The following ZFP2 variants were observed in gnomAD, a reference collection of about 807,000 sequenced individuals.
The protein encoded by ZFP2 is ZFP2 zinc finger protein.
A neutral mutation model predicts 36.1 loss-of-function variants in ZFP2; 33 were observed. The ratio of observed to expected loss-of-function variants is 0.92; its 90% CI spans 0.69 to 1.22. The LOEUF (loss-of-function observed/expected upper bound fraction) is 1.22, where lower values mean the gene tolerates loss of function less well. Ranked by LOEUF, ZFP2 falls within the 50% of genes most tolerant of loss-of-function variation. ZFP2 has a pLI of 0.00. For missense variants in ZFP2, 522 were observed against 551.4 expected (o/e 0.95, Z 0.53); for synonymous variants, 170 against 178.0 (o/e 0.96, Z 0.36).
At chr5:178,906,342 T>G (rs1758164681) in intron 1 of ZFP2, among the ~76,000 whole-genome samples, 1 of 152,184 alleles carries the variant, frequency 6.6e-6, no homozygotes, top group Non-Finnish European at 1.5e-5. Context: ...GATACCTTCT[T>G]TCACCAAAAA....
chr5:178,931,073 TCCTATTTCTCTA>T (rs1200809015), intron 4 of ZFP2, among the ~76,000 whole-genome samples, 152 bp from the exon 5 acceptor site: 4 of 152,224 alleles, frequency 2.6e-5, no homozygotes, highest in African/African-American at 9.7e-5. Context: ...TTCTCTCCCT[TCCTATTTCTCTA>T]CCTAATTTTG....
At chr5:178,901,373 T>C (rs1294905895) in intron 1 of ZFP2, among the ~76,000 whole-genome samples, 2 of 152,170 alleles carry the variant, frequency 1.3e-5, no homozygotes, top group Non-Finnish European at 2.9e-5. Flanking sequence ...CTCGAAACAA[T>C]AGAAATTTAT....
At position 178,931,428 on chromosome 5, in the gene ZFP2, AC is replaced by A. The variant is rs1248111222; in HGVS notation, c.117del (p.Phe40SerfsTer4). On this transcript the variant is annotated frameshift_variant, in exon 5 of 5. Coordinates refer to ENST00000361362, the MANE Select transcript of ZFP2 (RefSeq NM_030613.4). LOFTEE classifies it high-confidence loss of function. The part of the protein sequence containing the change: ...LSQVGVTHKE[T>X]FTEMRVCGGN... ...CCAAGTGGGAGTTACCCATAAGGAA[AC>A]CTTCACTGAGATGAGAGTATGTGGA... 1.9e-6 allele frequency: 3 copies of A among 1,614,138 alleles called. No homozygotes were observed. The South Asian group carries it at 3.3e-5, about 18-fold the overall frequency.
chr5:178,931,808 A>G lies in ZFP2; in HGVS notation c.495A>G (p.Lys165=). 1 of 1,614,146 alleles carries G rather than the reference A, an allele frequency of 6.2e-7. No homozygotes were observed. The highest frequency in any genetic ancestry group is 2.2e-5 in the East Asian group (1 of 44,868). The change falls in exon 5 of 5, where the codon AAA becomes AAG. Residue 165 remains lysine, a synonymous_variant. Transcript: ENST00000361362. ...CCTATAAATGTAATGAATGTGGGAA[A>G]GCCTTTAGTCAGAGCATGAATCTTA... The part of the protein sequence containing the change: ...EKPYKCNECG[K]AFSQSMNLTV...
intron 1 of ZFP2, among the ~76,000 whole-genome samples, chr5:178,899,546 T>C (rs1369484731): frequency 6.6e-6 from 1 of 151,780 alleles, no homozygotes; most frequent in African/African-American, 2.4e-5. Flanking sequence ...GGATAAAAAT[T>C]TTAGGACCAA....
chr5:178,927,424 A>G (rs1180714271), intron 4 of ZFP2, among the ~76,000 whole-genome samples: 1 of 151,928 alleles, frequency 6.6e-6, no homozygotes, highest in Non-Finnish European at 1.5e-5. Context: ...TAGTTTACAT[A>G]CTGTGTTAGT....
intron 1 of ZFP2, among the ~76,000 whole-genome samples, chr5:178,909,436 A>G (rs1258199365): frequency 6.6e-6 from 1 of 152,182 alleles, no homozygotes; most frequent in African/African-American, 2.4e-5. Flanking sequence ...GATCACCAGT[A>G]AATAGTGCTT....
At chr5:178,909,188 G>A (rs1310551350) in intron 1 of ZFP2, among the ~76,000 whole-genome samples, 9 of 145,510 alleles carry the variant, frequency 6.2e-5, no homozygotes, top group East Asian at 2.1e-4. Context: ...GGCTCAGGGC[G>A]TAAAACCCCT....
At position 178,931,307 on chromosome 5, in the gene ZFP2, G is replaced by A. The variant is rs572215779; in HGVS notation, c.-7G>A. ...GTATTACTGAAGATTTATGCCATGG[G>A]GTAACAATGGAAAGGGAAGGTATCT... On this transcript the variant is annotated 5_prime_UTR_variant, in exon 5 of 5. Coordinates refer to ENST00000361362, the MANE Select transcript of ZFP2 (RefSeq NM_030613.4). The A allele has an allele frequency of 7.0e-6, 11 of 1,581,418 alleles. No individual in the cohort carries two copies. The South Asian group carries it at 1.3e-4, about 19-fold the overall frequency.
chr5:178,928,621 G>C lies in ZFP2; in HGVS notation c.-77-2616G>C, dbSNP rs563674778. The stretch of plus-strand genomic sequence containing the variant: ...GGGTGGAGTCCCTAGGCCTTGGGCA[G>C]ATCTGCCCACATGGCTTTGCAGTGT... On this transcript the variant is annotated intron_variant, in intron 4 of 4. Coordinates refer to ENST00000361362, the MANE Select transcript of ZFP2 (RefSeq NM_030613.4). Among the ~76,000 whole-genome samples the C allele has an allele frequency of 2.6e-5, 4 of 152,362 alleles. No homozygotes were observed. In the East Asian group the frequency reaches 7.7e-4, roughly 29 times the overall value.
intron 1 of ZFP2, among the ~76,000 whole-genome samples, chr5:178,906,686 G>A (rs544394705): frequency 4.0e-4 from 61 of 152,054 alleles, no homozygotes; most frequent in Admixed American, 3.5e-3. Context: ...CTCCCAAATA[G>A]CTGGGACTAC....
chr5:178,904,072 T>C (rs1758117626), intron 1 of ZFP2, among the ~76,000 whole-genome samples: 1 of 152,230 alleles, frequency 6.6e-6, no homozygotes. Context: ...TCTATTAGTT[T>C]TATAATTTTA....
chr5:178,931,784 C>CTATAAAT lies in ZFP2; in HGVS notation c.472_478dup (p.Cys160LeufsTer2). ...AAAGAATTCATACTGGAGAGAAACC[C>CTATAAAT]TATAAATGTAATGAATGTGGGAAAG... On this transcript the variant is annotated frameshift_variant, in exon 5 of 5. Coordinates refer to ENST00000361362, the MANE Select transcript of ZFP2 (RefSeq NM_030613.4). LOFTEE classifies it high-confidence loss of function. 1 of 1,613,930 alleles carries CTATAAAT rather than the reference C, an allele frequency of 6.2e-7. No homozygotes were observed. The highest frequency in any genetic ancestry group is 1.6e-4 in the Middle Eastern group (1 of 6,062).
chr5:178,898,623 C>T (rs1757987180), intron 1 of ZFP2, among the ~76,000 whole-genome samples: 3 of 152,206 alleles, frequency 2.0e-5, no homozygotes, highest in Admixed American at 2.0e-4. Flanking sequence ...AAGAACCCCA[C>T]AGGAAGGAAG....
intron 4 of ZFP2, among the ~76,000 whole-genome samples, chr5:178,929,945 G>GGGT (rs1554107559): frequency 2.1e-5 from 3 of 141,068 alleles, no homozygotes; most frequent in Non-Finnish European, 3.1e-5. Flanking sequence ...TTGACGGTGG[G>GGGT]GGGGGGGGCT....
At chr5:178,921,028 G>A (rs961920113) in intron 4 of ZFP2, among the ~76,000 whole-genome samples, 2 of 152,186 alleles carry the variant, frequency 1.3e-5, no homozygotes, top group African/African-American at 4.8e-5. Context: ...AGCTTTCTGT[G>A]GGTTGTGGTT....
At chr5:178,910,278 A>AAG in intron 1 of ZFP2, 1 of 1,412,768 alleles carries the variant, frequency 7.1e-7, no homozygotes, top group East Asian at 2.3e-5. Context: ...GTCATTGCAA[A>AAG]AGTGCTCCAT....
intron 1 of ZFP2, chr5:178,910,438 G>T: frequency 1.3e-6 from 1 of 754,660 alleles, no homozygotes; most frequent in South Asian, 1.4e-5. Flanking sequence ...CGGCCTTCTT[G>T]GTCCCATTGA....
intron 3 of ZFP2, among the ~76,000 whole-genome samples, chr5:178,914,363 A>C (rs975501775): frequency 6.6e-6 from 1 of 152,174 alleles, no homozygotes; most frequent in East Asian, 1.9e-4. Flanking sequence ...CACTGGGTCA[A>C]AGGATATATC....
Sources: allele counts gnomAD v4.1 joint callset (sites outside exome capture counted in the v4.1 genomes callset), GRCh38; gene constraint gnomAD v4.1.1; transcripts MANE v1.5; gene names NCBI Gene and HGNC (gene_info 2026-07-23, HGNC 2026-07-21).